The following NRG3 variants were observed in gnomAD, a reference collection of about 807,000 sequenced individuals.
NRG3 encodes the protein pro-neuregulin-3, membrane-bound isoform.
Under a neutral mutation model 66.9 loss-of-function variants are expected in NRG3, and 31 were observed. That is an observed-to-expected ratio of 0.46 (90% CI 0.35 to 0.63). NRG3 has a LOEUF of 0.63. NRG3 is among the 20% of genes least tolerant of loss of function. The pLI, the probability that NRG3 is intolerant of heterozygous loss-of-function variation, is 0.00. For missense variants in NRG3, 910 were observed against 878.9 expected, an observed-to-expected ratio of 1.04 and a Z score of -0.45; for synonymous variants, 393 against 359.4, an observed-to-expected ratio of 1.09 and a Z score of -1.06.
At chr10:82,469,048 A>C (rs1840971415) in intron 2 of NRG3, among the ~76,000 whole-genome samples, 1 of 152,202 alleles carries the variant, frequency 6.6e-6, no homozygotes, top group Admixed American at 6.5e-5. Flanking sequence ...GAAATGAATG[A>C]GCTCCCCTGA....
chr10:82,442,251 G>A (rs1465723853), intron 2 of NRG3, among the ~76,000 whole-genome samples: 5 of 152,140 alleles, frequency 3.3e-5, no homozygotes, highest in African/African-American at 9.7e-5. Context: ...AGTGTTACAC[G>A]TGAAACAAGA....
chr10:82,097,676 A>T (rs550301889), intron 1 of NRG3, among the ~76,000 whole-genome samples: 1 of 152,084 alleles, frequency 6.6e-6, no homozygotes, highest in African/African-American at 2.4e-5. Context: ...GTTTAACTTC[A>T]TAAGAAACTG....
intron 1 of NRG3, among the ~76,000 whole-genome samples, chr10:81,932,060 GC>G (rs745671932): frequency 1.2e-4 from 19 of 152,252 alleles, no homozygotes; most frequent in Non-Finnish European, 2.4e-4. Context: ...AAAGCTGGAT[GC>G]TGATATCTCT....
intron 2 of NRG3, among the ~76,000 whole-genome samples, chr10:82,455,906 C>T (rs868454118): frequency 3.9e-5 from 6 of 152,080 alleles, no homozygotes; most frequent in Admixed American, 6.5e-5. Flanking sequence ...GCGTGAGCCA[C>T]GGCACCTGGC....
At chr10:82,711,764 CT>C (rs1303725555) in intron 2 of NRG3, among the ~76,000 whole-genome samples, 3 of 152,228 alleles carry the variant, frequency 2.0e-5, no homozygotes, top group Non-Finnish European at 4.4e-5. Flanking sequence ...TTTACACCAT[CT>C]TTACTGCCAT....
chr10:82,653,704 A>G (rs1008357531), intron 2 of NRG3, among the ~76,000 whole-genome samples: 2 of 151,920 alleles, frequency 1.3e-5, no homozygotes, highest in Admixed American at 1.3e-4. Flanking sequence ...GCCAAGAGTG[A>G]AAGTAATAGG....
intron 1 of NRG3, among the ~76,000 whole-genome samples, chr10:82,226,015 G>A (rs949584479): frequency 5.3e-5 from 8 of 151,824 alleles, no homozygotes; most frequent in Non-Finnish European, 1.0e-4. Context: ...ACTTAAAATA[G>A]GGCCATTTTA....
chr10:82,713,057 T>A (rs1591278113), intron 2 of NRG3, among the ~76,000 whole-genome samples: 1 of 136,088 alleles, frequency 7.3e-6, no homozygotes, highest in African/African-American at 2.8e-5. Context: ...GAGGTGGAGG[T>A]TGCAGTGAGC....
chr10:82,661,618 T>A (rs1428830980), intron 2 of NRG3, among the ~76,000 whole-genome samples: 1 of 152,220 alleles, frequency 6.6e-6, no homozygotes, highest in Non-Finnish European at 1.5e-5. Context: ...TGTATGCGTG[T>A]GTGCGTGTGC....
intron 4 of NRG3, among the ~76,000 whole-genome samples, chr10:82,934,052 G>A (rs192446105): frequency 2.0e-5 from 3 of 152,272 alleles, no homozygotes; most frequent in Admixed American, 6.5e-5. Flanking sequence ...TCTAGGAACT[G>A]GTTAGTCCTG....
chr10:82,029,374 A>G (rs559045002), intron 1 of NRG3, among the ~76,000 whole-genome samples: 11 of 152,282 alleles, frequency 7.2e-5, no homozygotes, highest in Admixed American at 3.3e-4. Context: ...AAATTAAATC[A>G]TGTATACATA....
chr10:81,947,634 T>A, intron 1 of NRG3, among the ~76,000 whole-genome samples: 1 of 147,222 alleles, frequency 6.8e-6, no homozygotes, highest in South Asian at 2.1e-4. Flanking sequence ...GTATGTTGGG[T>A]TTTTTTTTTT....
At chr10:82,316,489 T>A (rs2081301838) in intron 1 of NRG3, among the ~76,000 whole-genome samples, 1 of 152,162 alleles carries the variant, frequency 6.6e-6, no homozygotes, top group Non-Finnish European at 1.5e-5. Flanking sequence ...GCTGCTTTTA[T>A]TTGAACAAAT....
At chr10:82,497,509 C>G (rs1198000843) in intron 2 of NRG3, among the ~76,000 whole-genome samples, 1 of 152,094 alleles carries the variant, frequency 6.6e-6, no homozygotes. Context: ...GCATAATGTC[C>G]TCCAAGGTCA....
At position 82,626,590 on chromosome 10, in the gene NRG3, G is replaced by A. The variant is rs143250134; in HGVS notation, c.954-111987G>A. 1.8e-3 allele frequency among the ~76,000 whole-genome samples: 269 copies of A among 152,228 alleles called. 1 individual carries two copies. Among genetic ancestry groups the A allele is most frequent in the African/African-American group, 5.9e-3 (247 of 41,542 alleles). On this transcript the variant is annotated intron_variant, in intron 2 of 8. Coordinates refer to ENST00000372141, the MANE Select transcript of NRG3 (RefSeq NM_001010848.4). ...GTAAGTGTGAATTCACTTGAGTAGAGAGCATTACCTTTAAAAATTATAGAT... is the reference window on the plus strand; with the variant it reads ...GTAAGTGTGAATTCACTTGAGTAGAAAGCATTACCTTTAAAAATTATAGAT...
chr10:82,358,592 C>T lies in NRG3; in HGVS notation c.824-147C>T, dbSNP rs2083923857. The stretch of plus-strand genomic sequence containing the variant: ...TACAGCCAGCTGCATTTGGTCAGTA[C>T]CAAGGAGGGTTGGAGCTGTCTGTCT... On this transcript the variant is annotated intron_variant, in intron 1 of 8. Coordinates refer to ENST00000372141, the MANE Select transcript of NRG3 (RefSeq NM_001010848.4). The T allele has an allele frequency of 2.2e-5, 22 of 1,022,786 alleles. 1 individual carries two copies. In the South Asian group the frequency reaches 3.3e-4, roughly 15 times the overall value. 63.4% of individuals were successfully genotyped at this position (1,022,786 alleles called of 1,614,324 possible).
chr10:81,896,214 C>T (rs1231604625), intron 1 of NRG3, among the ~76,000 whole-genome samples: 4 of 152,022 alleles, frequency 2.6e-5, no homozygotes, highest in Non-Finnish European at 4.4e-5. Context: ...CATGCCCTTT[C>T]GATATGATTG....
intron 2 of NRG3, among the ~76,000 whole-genome samples, chr10:82,591,745 C>T (rs776896195): frequency 6.6e-5 from 10 of 152,194 alleles, no homozygotes; most frequent in Non-Finnish European, 1.5e-4. Context: ...TTCCAATTGA[C>T]TCTGTCTACT....
intron 1 of NRG3, among the ~76,000 whole-genome samples, chr10:82,340,002 G>T (rs748966625): frequency 6.6e-6 from 1 of 151,738 alleles, no homozygotes; most frequent in Non-Finnish European, 1.5e-5. Context: ...TAACTTTTCC[G>T]GTCAGCCAGA....
Sources: allele counts gnomAD v4.1 joint callset (sites outside exome capture counted in the v4.1 genomes callset), GRCh38; gene constraint gnomAD v4.1.1; transcripts MANE v1.5; gene names NCBI Gene and HGNC (gene_info 2026-07-23, HGNC 2026-07-21).